Variants in SIT1 observed in about 807,000 individuals in gnomAD.
The protein encoded by SIT1 is signaling threshold regulating transmembrane adaptor 1.
A neutral mutation model predicts 23.5 loss-of-function variants in SIT1; 19 were observed. The observed-to-expected ratio is 0.81, with a 90% CI of 0.56 to 1.19. SIT1 has a LOEUF of 1.19. Among genes scored for constraint, SIT1 ranks in the 50% most tolerant of loss-of-function variants. SIT1 has a pLI of 0.00. For synonymous variants in SIT1, 114 were observed against 109.1 expected, an observed-to-expected ratio of 1.04 and a Z score of -0.28; for missense variants, 213 against 254.9, an observed-to-expected ratio of 0.84 and a Z score of 1.12.
At position 35,650,200 on chromosome 9, in the gene SIT1, A is replaced by G; in HGVS notation, c.341T>C (p.Leu114Pro). 1 of 1,613,814 alleles carries G rather than the reference A, an allele frequency of 6.2e-7. No individual in the cohort carries two copies. Among genetic ancestry groups the G allele is most frequent in the South Asian group, 1.1e-5 (1 of 91,058 alleles). Residue 114 changes from leucine (L) to proline (P), a missense_variant, in exon 4 of 5, where the codon CTT becomes CCT. Physicochemically the swap from Leu to Pro is moderately conservative, Grantham distance 98. Coordinates refer to ENST00000259608, the MANE Select transcript of SIT1 (RefSeq NM_014450.3). This position sits in a 1 kb window ranked among gnomAD's most constrained non-coding sequence, Gnocchi z 4.8. ...TTGACTCACCCTGGCAGGGCCTCCA[A>G]GAGTTGGATCCTGCTGGTCTGGCTC... ...DPEPDQQDPT[L>P]GGPARAAEEV...
Position 35,650,545 on chromosome 9 carries a change from G to A in SIT1, c.193C>T (p.Gln65Ter). ...CTCCTGCTCCGGCCCCTGGTCCACT[G>A]GGACAAGTGTGCAGCCAGCGAGATG... ...FLISLAAHLS[Q>*]WTRGRSRSHP... The change falls in exon 2 of 5, where the codon CAG (glutamine) becomes TAG (stop). Residue 65 changes from glutamine (Q) to a stop codon, truncating the protein, a stop_gained. Transcript: ENST00000259608. LOFTEE classifies it high-confidence loss of function. This position sits in a 1 kb window ranked among gnomAD's most constrained non-coding sequence, Gnocchi z 4.8. 6.2e-7 allele frequency: 1 copy of A among 1,614,000 alleles called. No homozygotes were observed. The highest frequency in any genetic ancestry group is 8.5e-7 in the Non-Finnish European group (1 of 1,180,022).
rs200012423 is a variant in SIT1 at position 35,650,209 on chromosome 9, T to C, written c.332A>G (p.Asp111Gly). 6.2e-7 allele frequency: 1 copy of C among 1,613,954 alleles called. No individual in the cohort carries two copies. Among genetic ancestry groups the C allele is most frequent in the East Asian group, 2.2e-5 (1 of 44,866 alleles). The change falls in exon 4 of 5, where the codon GAT (aspartate) becomes GGT (glycine). Residue 111 changes from aspartate (D) to glycine (G), a missense_variant. By Grantham distance (94) the Asp-to-Gly change is moderately conservative. Coordinates refer to ENST00000259608, the MANE Select transcript of SIT1 (RefSeq NM_014450.3). This position sits in a 1 kb window ranked among gnomAD's most constrained non-coding sequence, Gnocchi z 4.8. ...CCTGGCAGGGCCTCCAAGAGTTGGATCCTGCTGGTCTGGCTCTGGGTCTTG... is the reference window on the plus strand; with the variant it reads ...CCTGGCAGGGCCTCCAAGAGTTGGACCCTGCTGGTCTGGCTCTGGGTCTTG... ...LSQDPEPDQQ[D>G]PTLGGPARAA...
Position 35,650,537 on chromosome 9 carries a change from G to T in SIT1, c.201C>A (p.Thr67=), listed in dbSNP as rs746525480. 1.9e-6 allele frequency: 3 copies of T among 1,613,872 alleles called. No homozygotes were observed. The highest frequency in any genetic ancestry group is 2.5e-6 in the Non-Finnish European group (3 of 1,180,024). ...CCGGATGGCTCCTGCTCCGGCCCCT[G>T]GTCCACTGGGACAAGTGTGCAGCCA... The part of the protein sequence containing the change: ...ISLAAHLSQW[T]RGRSRSHPGQ... The change falls in exon 2 of 5, where the codon ACC becomes ACA. Residue 67 remains threonine (T), a synonymous_variant. Coordinates refer to ENST00000259608, the MANE Select transcript of SIT1 (RefSeq NM_014450.3). The surrounding 1 kb of genome is among the most constrained non-coding windows in gnomAD (Gnocchi z 4.8).
chr9:35,650,454 G>A lies in SIT1; in HGVS notation c.237-39C>T, dbSNP rs745377317. The A allele has an allele frequency of 5.6e-6, 9 of 1,613,944 alleles. No individual in the cohort carries two copies. The highest frequency in any genetic ancestry group is 1.1e-5 in the South Asian group (1 of 91,064). ...TTTAGGGGATGAGTGGGGACTTCTC[G>A]GTAAGAGAGAACTCTCAGTCAACCC... On this transcript the variant is annotated intron_variant, in intron 2 of 4. Transcript: ENST00000259608. This position sits in a 1 kb window ranked among gnomAD's most constrained non-coding sequence, Gnocchi z 4.8.
In SIT1 at chr9:35,650,419, C is replaced by G; in HGVS notation, c.237-4G>C. The G allele has an allele frequency of 6.2e-7, 1 of 1,614,146 alleles. No individual in the cohort carries two copies. The highest frequency in any genetic ancestry group is 1.1e-5 in the South Asian group (1 of 91,080). ...CTCTTCCACAGACTCTCCAGAGCTG[C>G]AACGCAGAGTTTAGGGGATGAGTGG... On this transcript the variant is annotated splice_region_variant and splice_polypyrimidine_tract_variant and intron_variant, in intron 2 of 4. Transcript: ENST00000259608. This position sits in a 1 kb window ranked among gnomAD's most constrained non-coding sequence, Gnocchi z 4.8.
In SIT1 at chr9:35,649,785, C is replaced by G. The variant is rs369214452; in HGVS notation, c.*63G>C. On this transcript the variant is annotated 3_prime_UTR_variant, in exon 5 of 5. Coordinates refer to ENST00000259608, the MANE Select transcript of SIT1 (RefSeq NM_014450.3). ...CCGTCTTTGGGTGCTGGTTGGGAAA[C>G]AGTCATGCCCCTGCTACGGGGGGCT... is the stretch of plus-strand genomic sequence containing the variant. 1.9e-4 allele frequency: 233 copies of G among 1,245,666 alleles called. 1 individual carries two copies. The East Asian group carries it at 5.5e-3, about 30-fold the overall frequency. 77.2% of individuals were successfully genotyped at this position (1,245,666 alleles called of 1,614,324 possible).
chr9:35,650,026 C>T lies in SIT1; in HGVS notation c.413G>A (p.Arg138Gln), dbSNP rs575181910. ...TSLQLRPPQG[R>Q]IPGPGTPVKY... ...GACGGGGGTTCCAGGACCGGGGATCCGACCCTGAGGAGGCCGCAGCTGCAG... is the reference window on the plus strand; with the variant it reads ...GACGGGGGTTCCAGGACCGGGGATCTGACCCTGAGGAGGCCGCAGCTGCAG... Residue 138 changes from arginine (R) to glutamine (Q), a missense_variant, in exon 5 of 5, where the codon CGG becomes CAG. Physicochemically the swap from Arg to Gln is conservative, Grantham distance 43. Coordinates refer to ENST00000259608, the MANE Select transcript of SIT1 (RefSeq NM_014450.3). The surrounding 1 kb of genome is among the most constrained non-coding windows in gnomAD (Gnocchi z 4.8). The T allele has an allele frequency of 1.2e-5, 19 of 1,586,548 alleles. No individual in the cohort carries two copies. Among genetic ancestry groups the T allele is most frequent in the Middle Eastern group, 1.7e-4 (1 of 6,056 alleles).
rs200471152 is a variant in SIT1 at position 35,650,781 on chromosome 9, C to T, written c.73G>A (p.Asp25Asn). 19 of 1,613,732 alleles carry T rather than the reference C, an allele frequency of 1.2e-5. No individual in the cohort carries two copies. Among genetic ancestry groups the T allele is most frequent in the Non-Finnish European group, 1.4e-5 (16 of 1,179,886 alleles). ...AGTGCGAGTAGATCCGTGCAGTTGT[C>T]GCCTCTGCTCATGGCTGCAGATGTG... ...TLTSAAMSRG[D>N]NCTDLLALGI... The change falls in exon 1 of 5, where the codon GAC becomes AAC. Residue 25 changes from aspartate to asparagine, a missense_variant. Coordinates refer to ENST00000259608, the MANE Select transcript of SIT1 (RefSeq NM_014450.3). This position sits in a 1 kb window ranked among gnomAD's most constrained non-coding sequence, Gnocchi z 4.8.
rs572110387 is a variant in SIT1 at position 35,649,887 on chromosome 9, C to T, written c.552G>A (p.Pro184=). The change falls in exon 5 of 5, where the codon CCG becomes CCA. Residue 184 remains proline (P), a synonymous_variant. Coordinates refer to ENST00000259608, the MANE Select transcript of SIT1 (RefSeq NM_014450.3). The stretch of plus-strand genomic sequence containing the variant: ...GCTGGCTGTTGGCATAGGCCTGATC[C>T]GGGAAGGAGGCCCGGGCCCTGCGGG... ...AQTRRARASF[P]DQAYANSQPA... The T allele has an allele frequency of 8.2e-5, 130 of 1,580,634 alleles. No homozygotes were observed. In the South Asian group the frequency reaches 9.0e-4, roughly 11 times the overall value.
Position 35,649,873 on chromosome 9 carries a change from G to T in SIT1, c.566C>A (p.Ala189Asp). The change falls in exon 5 of 5, where the codon GCC becomes GAC. Residue 189 changes from alanine to aspartate, a missense_variant. Transcript: ENST00000259608. ...TCAGCTGGCTGCAGGCTGGCTGTTG[G>T]CATAGGCCTGATCCGGGAAGGAGGC... is the stretch of plus-strand genomic sequence containing the variant. ...ARASFPDQAYANSQPAAS is the reference protein window; with the variant it reads ...ARASFPDQAYDNSQPAAS 6.4e-7 allele frequency: 1 copy of T among 1,567,624 alleles called. No individual in the cohort carries two copies.
Position 35,650,867 on chromosome 9 carries a change from C to T in SIT1, c.-14G>A. 2 of 1,589,574 alleles carry T rather than the reference C, an allele frequency of 1.3e-6. No individual in the cohort carries two copies. Among genetic ancestry groups the T allele is most frequent in the Non-Finnish European group, 1.7e-6 (2 of 1,165,876 alleles). On this transcript the variant is annotated 5_prime_UTR_variant, in exon 1 of 5. Coordinates refer to ENST00000259608, the MANE Select transcript of SIT1 (RefSeq NM_014450.3). This position sits in a 1 kb window ranked among gnomAD's most constrained non-coding sequence, Gnocchi z 4.8. ...AGCCTGGTTCATGGCCTGACGGTTT[C>T]CACAGCACTTCTTACTCCCATCCCT...
Position 35,650,112 on chromosome 9 carries a change from G to A in SIT1, c.358-31C>T. The A allele has an allele frequency of 6.2e-7, 1 of 1,611,914 alleles. No individual in the cohort carries two copies. Among genetic ancestry groups the A allele is most frequent in the Non-Finnish European group, 8.5e-7 (1 of 1,178,334 alleles). ...GATGCAAGGCTGTTAGAAGTTCACT[G>A]GACCCTCGGAAAAGCCCGAAAAGCC... On this transcript the variant is annotated intron_variant, in intron 4 of 4. Coordinates refer to ENST00000259608, the MANE Select transcript of SIT1 (RefSeq NM_014450.3). The surrounding 1 kb of genome is among the most constrained non-coding windows in gnomAD (Gnocchi z 4.8).
Position 35,650,592 on chromosome 9 carries a change from C to T in SIT1, c.146G>A (p.Gly49Glu), listed in dbSNP as rs867075364. ...GATGAGAAATAGCAGCGTCACAGCC[C>T]CTAAGAGGACCCACAGTCCCCAGGC... The part of the protein sequence containing the change: ...TQAWGLWVLL[G>E]AVTLLFLISL... Residue 49 changes from glycine (G) to glutamate (E), a missense_variant, in exon 2 of 5, where the codon GGG becomes GAG. Transcript: ENST00000259608. This position sits in a 1 kb window ranked among gnomAD's most constrained non-coding sequence, Gnocchi z 4.8. 1 of 1,613,810 alleles carries T rather than the reference C, an allele frequency of 6.2e-7. No homozygotes were observed.
chr9:35,650,846 T>A lies in SIT1; in HGVS notation c.8A>T (p.Gln3Leu). 1 of 1,609,344 alleles carries A rather than the reference T, an allele frequency of 6.2e-7. No homozygotes were observed. The highest frequency in any genetic ancestry group is 1.3e-5 in the African/African-American group (1 of 74,892). The stretch of plus-strand genomic sequence containing the variant: ...CACTGCTCTGAGCCGAGGGTCAGCC[T>A]GGTTCATGGCCTGACGGTTTCCACA... The part of the protein sequence containing the change: MN[Q>L]ADPRLRAVCL... Residue 3 changes from glutamine to leucine, a missense_variant, in exon 1 of 5, where the codon CAG (glutamine) becomes CTG (leucine). Gln to Leu is a moderately radical substitution (Grantham distance 113). Transcript: ENST00000259608. This position sits in a 1 kb window ranked among gnomAD's most constrained non-coding sequence, Gnocchi z 4.8.
Position 35,650,328 on chromosome 9 carries a change from T to G in SIT1, c.295+29A>C. On this transcript the variant is annotated intron_variant, in intron 3 of 4. Transcript: ENST00000259608. This position sits in a 1 kb window ranked among gnomAD's most constrained non-coding sequence, Gnocchi z 4.8. ...TCCCAGCCACCCAGGACCTGGCCTC[T>G]GTGCCCCTCCTCTCTGCCAGCTCCC... 6.2e-7 allele frequency: 1 copy of G among 1,613,670 alleles called. No individual in the cohort carries two copies. Among genetic ancestry groups the G allele is most frequent in the Non-Finnish European group, 8.5e-7 (1 of 1,179,632 alleles).
rs754604627 is a variant in SIT1, at chr9:35,650,660, G to T, written c.101-23C>A. 1.2e-6 allele frequency: 2 copies of T among 1,612,898 alleles called. No homozygotes were observed. The highest frequency in any genetic ancestry group is 1.3e-5 in the African/African-American group (1 of 74,882). On this transcript the variant is annotated intron_variant, in intron 1 of 4. Coordinates refer to ENST00000259608, the MANE Select transcript of SIT1 (RefSeq NM_014450.3). This position sits in a 1 kb window ranked among gnomAD's most constrained non-coding sequence, Gnocchi z 4.8. Reference sequence around the variant, plus strand: ...TTCCTGTGGATGTGAAAGGAAGGGGGGTGTAACAGCCCCGCCCCACCCCCA... The same window carrying T: ...TTCCTGTGGATGTGAAAGGAAGGGGTGTGTAACAGCCCCGCCCCACCCCCA...
In SIT1 at chr9:35,650,889, C is replaced by T; in HGVS notation, c.-36G>A. On this transcript the variant is annotated 5_prime_UTR_variant, in exon 1 of 5. Transcript: ENST00000259608. This position sits in a 1 kb window ranked among gnomAD's most constrained non-coding sequence, Gnocchi z 4.8. ...TTTCCACAGCACTTCTTACTCCCAT[C>T]CCTCCTCAGGCCCGTACCCCGCAGC... 1 of 1,492,518 alleles carries T rather than the reference C, an allele frequency of 6.7e-7. No homozygotes were observed. The highest frequency in any genetic ancestry group is 9.2e-7 in the Non-Finnish European group (1 of 1,086,350). 92.5% of individuals were successfully genotyped at this position (1,492,518 alleles called of 1,614,324 possible). A position where few individuals can be genotyped will look rare whatever the true frequency, so the allele number is the denominator to read the frequency against.
Position 35,650,895 on chromosome 9 carries a change from T to G in SIT1, c.-42A>C. ...CAGCACTTCTTACTCCCATCCCTCC[T>G]CAGGCCCGTACCCCGCAGCTCAGCA... On this transcript the variant is annotated 5_prime_UTR_variant, in exon 1 of 5. An upstream open reading frame in the 5' UTR loses its in-frame stop. Transcript: ENST00000259608. The surrounding 1 kb of genome is among the most constrained non-coding windows in gnomAD (Gnocchi z 4.8). 6.9e-7 allele frequency: 1 copy of G among 1,448,892 alleles called. No homozygotes were observed. The highest frequency in any genetic ancestry group is 9.5e-7 in the Non-Finnish European group (1 of 1,048,936). The allele number at this position is 1,448,892 out of a possible 1,614,324, so 89.8% of individuals were successfully genotyped here.
In SIT1 at chr9:35,650,726, C is replaced by T. The variant is rs765772893; in HGVS notation, c.100+28G>A. ...GACCTGGGGCCACATGACCCCTCCC[C>T]CACCAGCCCCTGCCCTGCCCAGCTC... is the stretch of plus-strand genomic sequence containing the variant. On this transcript the variant is annotated intron_variant, in intron 1 of 4. Coordinates refer to ENST00000259608, the MANE Select transcript of SIT1 (RefSeq NM_014450.3). This position sits in a 1 kb window ranked among gnomAD's most constrained non-coding sequence, Gnocchi z 4.8. 21 of 1,611,886 alleles carry T rather than the reference C, an allele frequency of 1.3e-5. No homozygotes were observed. Among genetic ancestry groups the T allele is most frequent in the Non-Finnish European group, 1.7e-5 (20 of 1,178,904 alleles).
Sources: allele counts gnomAD v4.1 joint callset, GRCh38; gene constraint gnomAD v4.1.1; non-coding constraint Gnocchi (gnomAD v3.1); transcripts MANE v1.5; gene names NCBI Gene and HGNC (gene_info 2026-07-23, HGNC 2026-07-21).